Variants in KCNK2 observed in about 807,000 individuals in gnomAD.
KCNK2 encodes potassium two pore domain channel subfamily K member 2.
In KCNK2, 21 loss-of-function variants were observed where a neutral mutation model predicts 40.5. The ratio of observed to expected loss-of-function variants is 0.52; its 90% CI spans 0.37 to 0.75. KCNK2 has a LOEUF of 0.75. Among genes scored for constraint, KCNK2 ranks in the 30% least tolerant of loss-of-function variants. The pLI, the probability that KCNK2 is intolerant of heterozygous loss-of-function variation, is 0.00. For missense variants in KCNK2, 399 were observed against 531.6 expected, an observed-to-expected ratio of 0.75 and a Z score of 2.45; for synonymous variants, 191 against 202.2, an observed-to-expected ratio of 0.94 and a Z score of 0.47.
At chr1:215,146,003 A>T (rs1662397723) in intron 3 of KCNK2, among the ~76,000 whole-genome samples, 1 of 152,112 alleles carries the variant, frequency 6.6e-6, no homozygotes, top group Non-Finnish European at 1.5e-5. Flanking sequence ...TTCTCTCTTG[A>T]TTGGCTTGAG....
intron 5 of KCNK2, among the ~76,000 whole-genome samples, chr1:215,188,276 T>A (rs1407183280): frequency 6.6e-6 from 1 of 152,152 alleles, no homozygotes; most frequent in Non-Finnish European, 1.5e-5. Context: ...AATTTGGGAC[T>A]TTCCCAGGTA....
upstream of KCNK2, among the ~76,000 whole-genome samples, chr1:215,080,997 A>T (rs1659133606): frequency 6.6e-6 from 1 of 152,192 alleles, no homozygotes; most frequent in South Asian, 2.1e-4. Context: ...GCCAAAAATT[A>T]GATTTCCTGG....
At chr1:215,213,331 G>A (rs369264586) in intron 6 of KCNK2, among the ~76,000 whole-genome samples, 7 of 152,270 alleles carry the variant, frequency 4.6e-5, no homozygotes, top group South Asian at 2.1e-4. Context: ...CTCCTGGGCT[G>A]GGCGCAGTGG....
intron 3 of KCNK2, among the ~76,000 whole-genome samples, chr1:215,142,462 T>C (rs1196181924): frequency 2.1e-4 from 32 of 152,172 alleles, no homozygotes; most frequent in Non-Finnish European, 4.4e-4. Flanking sequence ...TGTTATGTGT[T>C]AATTATATAG....
chr1:215,112,457 C>A (rs929310368), intron 2 of KCNK2, among the ~76,000 whole-genome samples: 4 of 151,866 alleles, frequency 2.6e-5, no homozygotes, highest in African/African-American at 7.3e-5. Flanking sequence ...GTACAAAAGT[C>A]AAAAAATTAA....
At chr1:215,139,620 C>T (rs536860492) in intron 3 of KCNK2, among the ~76,000 whole-genome samples, 3 of 152,056 alleles carry the variant, frequency 2.0e-5, no homozygotes, top group Admixed American at 6.6e-5. Context: ...CCCATCTCTA[C>T]TAAAAATACA....
At chr1:215,175,703 A>G (rs889240108) in intron 5 of KCNK2, among the ~76,000 whole-genome samples, 2 of 151,994 alleles carry the variant, frequency 1.3e-5, no homozygotes, top group African/African-American at 2.4e-5. Context: ...CTTTATGTCC[A>G]TGAGTACCCA....
chr1:215,062,065 A>G (rs1020629904), intron 1 of KCNK2, among the ~76,000 whole-genome samples: 1 of 152,214 alleles, frequency 6.6e-6, no homozygotes, highest in Non-Finnish European at 1.5e-5. Context: ...ACAATCTTCA[A>G]CACAACATTA....
At chr1:215,065,725 A>G (rs975934460) in intron 1 of KCNK2, among the ~76,000 whole-genome samples, 1 of 152,140 alleles carries the variant, frequency 6.6e-6, no homozygotes, top group African/African-American at 2.4e-5. Context: ...TAGATGGCAA[A>G]ATTTGGACAC....
intron 3 of KCNK2, among the ~76,000 whole-genome samples, chr1:215,162,634 C>CAT: frequency 6.6e-6 from 1 of 152,252 alleles, no homozygotes; most frequent in Non-Finnish European, 1.5e-5. Flanking sequence ...CAGTTTTCTG[C>CAT]ATATAGCTAG....
chr1:215,143,555 T>C (rs1662280845), intron 3 of KCNK2, among the ~76,000 whole-genome samples: 1 of 152,184 alleles, frequency 6.6e-6, no homozygotes, highest in Non-Finnish European at 1.5e-5. Context: ...GGTGGTTGTT[T>C]CCATTATTCA....
intron 2 of KCNK2, among the ~76,000 whole-genome samples, chr1:215,095,495 C>G (rs1659938805): frequency 6.6e-6 from 1 of 152,100 alleles, no homozygotes; most frequent in South Asian, 2.1e-4. Context: ...AATTGAGGCA[C>G]ATATTGTTTA....
intron 2 of KCNK2, among the ~76,000 whole-genome samples, chr1:215,103,985 C>G (rs946785058): frequency 6.6e-6 from 1 of 151,980 alleles, no homozygotes; most frequent in Non-Finnish European, 1.5e-5. Context: ...ATAGGCCAAA[C>G]TGGGATGAGT....
At chr1:215,224,277 C>T (rs1389500127) in intron 6 of KCNK2, among the ~76,000 whole-genome samples, 1 of 152,018 alleles carries the variant, frequency 6.6e-6, no homozygotes, top group Non-Finnish European at 1.5e-5. Context: ...AGAGGGGAGA[C>T]AACAATTTCT....
At chr1:215,208,126 G>T (rs1331109119) in intron 6 of KCNK2, among the ~76,000 whole-genome samples, 1 of 152,094 alleles carries the variant, frequency 6.6e-6, no homozygotes, top group Non-Finnish European at 1.5e-5. Flanking sequence ...CAATGTAACT[G>T]CCCATCAATG....
chr1:215,014,228 T>C (rs1357013499), intron 1 of KCNK2, among the ~76,000 whole-genome samples: 1 of 152,126 alleles, frequency 6.6e-6, no homozygotes, highest in Non-Finnish European at 1.5e-5. Flanking sequence ...ATTTTGAATG[T>C]TGAGCCAGCC....
chr1:215,033,637 C>T (rs1222323228), intron 1 of KCNK2, among the ~76,000 whole-genome samples: 2 of 152,034 alleles, frequency 1.3e-5, no homozygotes, highest in African/African-American at 2.4e-5. Context: ...TAACTCCCCA[C>T]CCCATTAGAT....
At chr1:215,230,670 T>C (rs974967477) in intron 6 of KCNK2, among the ~76,000 whole-genome samples, 19 of 145,252 alleles carry the variant, frequency 1.3e-4, no homozygotes, top group Non-Finnish European at 2.0e-4. Context: ...ATTTTATAGA[T>C]AAGGAATCTG....
chr1:215,108,106 T>C (rs1197935021), intron 2 of KCNK2, among the ~76,000 whole-genome samples: 3 of 151,994 alleles, frequency 2.0e-5, no homozygotes, highest in East Asian at 1.9e-4. Context: ...CACTTTACAA[T>C]AGGGTTTGAG....
Sources: gnomAD v4.1 joint callset for allele counts (sites outside exome capture counted in the v4.1 genomes callset) on GRCh38, gnomAD v4.1.1 for gene constraint, MANE v1.5 for transcripts, NCBI Gene and HGNC (gene_info 2026-07-23, HGNC 2026-07-21) for gene names.